GXYLT2: variants seen among roughly 807,000 people sequenced by gnomAD.
GXYLT2 encodes glycosyltransferase 8 domain containing 4.
In GXYLT2, 53 loss-of-function variants were observed where a neutral mutation model predicts 45.8. The observed-to-expected ratio is 1.16, with a 90% confidence interval of 0.93 to 1.46. The LOEUF is 1.46. GXYLT2 is among the 40% of genes most tolerant of loss of function. GXYLT2 has a pLI of 0.00. For synonymous variants in GXYLT2, 219 were observed against 214.2 expected (o/e 1.02, Z -0.19); for missense variants, 551 against 544.4 (o/e 1.01, Z -0.12).
At chr3:72,971,423 T>C (rs1487624423) in intron 6 of GXYLT2, among the ~76,000 whole-genome samples, 2 of 152,190 alleles carry the variant, frequency 1.3e-5, no homozygotes, top group Admixed American at 1.3e-4. Flanking sequence ...AACCATTGTG[T>C]AGTGGGTCAG....
intron 6 of GXYLT2, among the ~76,000 whole-genome samples, chr3:72,969,342 A>G (rs1710940556): frequency 6.6e-6 from 1 of 150,660 alleles, no homozygotes; most frequent in Non-Finnish European, 1.5e-5. Context: ...GCAGTGAGCT[A>G]TGATTGCACC....
At chr3:72,941,621 T>C (rs922916861) in intron 3 of GXYLT2, among the ~76,000 whole-genome samples, 1 of 152,136 alleles carries the variant, frequency 6.6e-6, no homozygotes, top group Non-Finnish European at 1.5e-5. Context: ...GAATTCTCTT[T>C]GCCTTTAACA....
intron 3 of GXYLT2, among the ~76,000 whole-genome samples, chr3:72,939,562 T>C (rs1234519157): frequency 1.3e-5 from 2 of 152,220 alleles, no homozygotes; most frequent in Non-Finnish European, 2.9e-5. Context: ...CTTGAGAATA[T>C]GCAGCATCAA....
At chr3:72,932,092 G>A (rs1260735300) in intron 3 of GXYLT2, among the ~76,000 whole-genome samples, 4 of 150,290 alleles carry the variant, frequency 2.7e-5, no homozygotes, top group Non-Finnish European at 5.9e-5. Flanking sequence ...TTTTGAGATG[G>A]AGTTTTCTGG....
intron 3 of GXYLT2, chr3:72,928,955 C>A: frequency 1.3e-6 from 1 of 799,044 alleles, no homozygotes; most frequent in Non-Finnish European, 2.1e-6. Flanking sequence ...TCCTCCGTCA[C>A]CACTTCACCG....
At chr3:72,964,687 T>C (rs1259952494) in intron 5 of GXYLT2, among the ~76,000 whole-genome samples, 2 of 152,226 alleles carry the variant, frequency 1.3e-5, no homozygotes, top group African/African-American at 4.8e-5. Flanking sequence ...ATCACTAATC[T>C]AAACTCCATG....
intron 3 of GXYLT2, chr3:72,929,027 T>C (rs1575795445): frequency 6.8e-7 from 1 of 1,475,976 alleles, no homozygotes; most frequent in Admixed American, 1.7e-5. Context: ...CCGCCGCCTC[T>C]CCTTAGCCGC....
chr3:72,936,299 A>G (rs2107119479), intron 3 of GXYLT2, among the ~76,000 whole-genome samples: 1 of 128,844 alleles, frequency 7.8e-6, no homozygotes, highest in South Asian at 3.6e-4. Context: ...CTCAAAAAAA[A>G]GAAAAAAAAA....
intron 6 of GXYLT2, among the ~76,000 whole-genome samples, chr3:72,969,928 CATTT>C (rs1710954994): frequency 2.0e-5 from 1 of 51,072 alleles, no homozygotes. Flanking sequence ...AAAACAAAAA[CATTT>C]AAGGCCCAGC....
intron 5 of GXYLT2, among the ~76,000 whole-genome samples, chr3:72,957,634 G>C (rs911967080): frequency 1.3e-5 from 2 of 152,214 alleles, no homozygotes; most frequent in Non-Finnish European, 2.9e-5. Flanking sequence ...AAGAAGTGCA[G>C]TTAAAATTGA....
chr3:72,960,541 C>T (rs193271695), intron 5 of GXYLT2, among the ~76,000 whole-genome samples: 76 of 152,268 alleles, frequency 5.0e-4, no homozygotes, highest in African/African-American at 1.5e-3. Flanking sequence ...ATAATCGTGA[C>T]GTTGTTCTAA....
intron 2 of GXYLT2, among the ~76,000 whole-genome samples, chr3:72,912,107 T>C (rs1709642068): frequency 6.6e-6 from 1 of 150,716 alleles, no homozygotes. Flanking sequence ...GCCTCCTGGA[T>C]TCAAGAAGTT....
chr3:72,914,722 A>G (rs1709702540), intron 2 of GXYLT2, among the ~76,000 whole-genome samples: 1 of 151,314 alleles, frequency 6.6e-6, no homozygotes, highest in East Asian at 1.9e-4. Flanking sequence ...GGGTTTCCTT[A>G]CCAGACTGGC....
rs7642262 is a variant in GXYLT2, at chr3:72,957,610, T to C, written c.976+258T>C. Among the ~76,000 whole-genome samples the C allele has an allele frequency of 3.7e-3, 564 of 152,332 alleles. 2 individuals are homozygous for C. Among genetic ancestry groups the C allele is most frequent in the African/African-American group, 0.013 (530 of 41,576 alleles). Reference sequence around the variant, plus strand: ...TTAGAGAGTATCTTTTAGGTTTTGCTATACCATTCTTCTAAGAAGTGCAGT... The same window carrying C: ...TTAGAGAGTATCTTTTAGGTTTTGCCATACCATTCTTCTAAGAAGTGCAGT... On this transcript the variant is annotated intron_variant, in intron 5 of 6. Coordinates refer to ENST00000389617, the MANE Select transcript of GXYLT2 (RefSeq NM_001080393.2).
Position 72,957,213 on chromosome 3 carries a change from G to A in GXYLT2, c.853-16G>A. The A allele has an allele frequency of 6.2e-7, 1 of 1,601,580 alleles. No homozygotes were observed. Among genetic ancestry groups the A allele is most frequent in the East Asian group, 2.2e-5 (1 of 44,794 alleles). ...TTGCTTTGCTTCAGCTGTTCTGATG[G>A]TTTTCTTTTTTCCAGAACAGCATGA... On this transcript the variant is annotated splice_polypyrimidine_tract_variant and intron_variant, in intron 4 of 6. Coordinates refer to ENST00000389617, the MANE Select transcript of GXYLT2 (RefSeq NM_001080393.2).
chr3:72,925,039 A>G (rs978840432), intron 3 of GXYLT2, among the ~76,000 whole-genome samples: 3 of 152,176 alleles, frequency 2.0e-5, no homozygotes, highest in Non-Finnish European at 4.4e-5. Context: ...ACTGGGGAGT[A>G]GCCCTTTTGG....
At chr3:72,940,415 A>G (rs1215727260) in intron 3 of GXYLT2, among the ~76,000 whole-genome samples, 1 of 152,132 alleles carries the variant, frequency 6.6e-6, no homozygotes, top group African/African-American at 2.4e-5. Flanking sequence ...GAGTTTAAAG[A>G]GTGATGGATT....
chr3:72,914,133 A>T (rs1709685685), intron 2 of GXYLT2, among the ~76,000 whole-genome samples: 1 of 152,124 alleles, frequency 6.6e-6, no homozygotes, highest in African/African-American at 2.4e-5. Flanking sequence ...CCTCAGGGTG[A>T]AAACAAAACA....
rs184883829 is a variant in GXYLT2, at chr3:72,956,936, G to C, written c.853-293G>C. Reference sequence around the variant, plus strand: ...ACACAGGAAGGAAGGGAGGGAGGGAGGGAGGGAAGAGAAGAAAGGAAGGGG... The same window carrying C: ...ACACAGGAAGGAAGGGAGGGAGGGACGGAGGGAAGAGAAGAAAGGAAGGGG... On this transcript the variant is annotated intron_variant, in intron 4 of 6. Coordinates refer to ENST00000389617, the MANE Select transcript of GXYLT2 (RefSeq NM_001080393.2). Among the ~76,000 whole-genome samples, 406 of 146,888 alleles carry C rather than the reference G, an allele frequency of 2.8e-3. 3 individuals carry two copies. The highest frequency in any genetic ancestry group is 8.9e-3 in the African/African-American group (353 of 39,788).
Sources: gnomAD v4.1 joint callset for allele counts (sites outside exome capture counted in the v4.1 genomes callset) on GRCh38, gnomAD v4.1.1 for gene constraint, MANE v1.5 for transcripts, NCBI Gene and HGNC (gene_info 2026-07-23, HGNC 2026-07-21) for gene names.